Variants in DCC observed in about 807,000 individuals in gnomAD.
The protein encoded by DCC is DCC netrin 1 receptor, also known as netrin receptor DCC.
DCC carries 58 observed loss-of-function variants against 172.5 expected under a neutral mutation model. That is an observed-to-expected ratio of 0.34 (90% CI 0.27 to 0.42). The LOEUF is 0.42. Ranked by LOEUF, DCC falls within the 10% of genes least tolerant of loss-of-function variation. The pLI, the probability that DCC is intolerant of heterozygous loss-of-function variation, is 1.00. For missense variants in DCC, 1,740 were observed against 1,791.0 expected (o/e 0.97, Z 0.51); for synonymous variants, 709 against 644.5 (o/e 1.10, Z -1.52).
chr18:53,067,245 G>C (rs1211494084), intron 7 of DCC, among the ~76,000 whole-genome samples: 3 of 152,112 alleles, frequency 2.0e-5, no homozygotes, highest in African/African-American at 7.2e-5. Context: ...ATAAGTCCGG[G>C]CACAGTGGCT....
chr18:53,093,846 C>G (rs2043047569), intron 7 of DCC, among the ~76,000 whole-genome samples: 1 of 152,134 alleles, frequency 6.6e-6, no homozygotes, highest in African/African-American at 2.4e-5. Context: ...GCGATAAACG[C>G]CTGACCTTGC....
intron 18 of DCC, among the ~76,000 whole-genome samples, chr18:53,398,751 T>C (rs1411289590): frequency 2.0e-5 from 3 of 152,132 alleles, no homozygotes; most frequent in African/African-American, 7.2e-5. Flanking sequence ...CCGCCTAGCC[T>C]TGTAGGGACA....
Position 53,459,357 on chromosome 18 carries a change from C to G in DCC, c.3518C>G (p.Pro1173Arg). The part of the protein sequence containing the change: ...KNIEKPSGTD[P>R]AGRDSPIQSC... ...ATTGAAAAGCCATCTGGCACTGACC[C>G]TGCAGGAAGGGACTCTCCCATCCAA... The change falls in exon 24 of 29, where the codon CCT becomes CGT. Residue 1173 changes from proline to arginine, a missense_variant. Around this residue, in one of 2 missense-constraint regions of DCC, gnomAD observed 1,732 missense variants for 1,767.4 expected, o/e 0.98. Transcript: ENST00000442544. 1 of 1,613,968 alleles carries G rather than the reference C, an allele frequency of 6.2e-7. No individual in the cohort carries two copies. The highest frequency in any genetic ancestry group is 8.5e-7 in the Non-Finnish European group (1 of 1,179,908).
chr18:52,709,911 A>G (rs918812287), intron 1 of DCC, among the ~76,000 whole-genome samples: 4 of 152,222 alleles, frequency 2.6e-5, no homozygotes, highest in African/African-American at 9.6e-5. Flanking sequence ...AGATTTTTTT[A>G]AACTGTTGGG....
chr18:53,261,030 C>T (rs1039203008), intron 12 of DCC, among the ~76,000 whole-genome samples: 1 of 152,124 alleles, frequency 6.6e-6, no homozygotes, highest in African/African-American at 2.4e-5. Context: ...TCCTGGTGTG[C>T]CATTTGCTAA....
intron 27 of DCC, among the ~76,000 whole-genome samples, chr18:53,506,591 C>T (rs889995702): frequency 3.3e-5 from 5 of 152,104 alleles, no homozygotes; most frequent in Admixed American, 2.0e-4. Flanking sequence ...GGTGTGGTGG[C>T]TCACACCCGT....
At chr18:52,934,607 A>G (rs1293290982) in intron 5 of DCC, among the ~76,000 whole-genome samples, 1 of 152,142 alleles carries the variant, frequency 6.6e-6, no homozygotes. Flanking sequence ...TTTTTCATTG[A>G]CCACTGCAAT....
chr18:52,471,582 G>A (rs1237728116), intron 1 of DCC, among the ~76,000 whole-genome samples: 1 of 152,064 alleles, frequency 6.6e-6, no homozygotes, highest in Non-Finnish European at 1.5e-5. Flanking sequence ...CCTAACTCTG[G>A]GTTATGGTGA....
intron 5 of DCC, among the ~76,000 whole-genome samples, chr18:52,982,484 A>T (rs1394098647): frequency 5.3e-5 from 8 of 151,956 alleles, no homozygotes; most frequent in Non-Finnish European, 1.0e-4. Flanking sequence ...CCTGCTCCTT[A>T]TGTCTCCTGC....
intron 13 of DCC, among the ~76,000 whole-genome samples, chr18:53,308,924 A>G (rs1415521349): frequency 1.3e-5 from 2 of 152,114 alleles, no homozygotes; most frequent in Non-Finnish European, 2.9e-5. Context: ...AGTCTCTCCT[A>G]ACTGCTGGGG....
chr18:52,542,038 A>G (rs2032476750), intron 1 of DCC, among the ~76,000 whole-genome samples: 1 of 148,300 alleles, frequency 6.7e-6, no homozygotes, highest in South Asian at 2.1e-4. Flanking sequence ...AAATATATAT[A>G]TTTATAATAC....
At chr18:52,669,729 A>T (rs2144966130) in intron 1 of DCC, among the ~76,000 whole-genome samples, 1 of 152,360 alleles carries the variant, frequency 6.6e-6, no homozygotes, top group South Asian at 2.1e-4. Flanking sequence ...GATGCTGTAC[A>T]TTCAGCAGAA....
chr18:52,766,509 T>C (rs561349560), intron 2 of DCC, among the ~76,000 whole-genome samples: 2 of 152,014 alleles, frequency 1.3e-5, no homozygotes, highest in East Asian at 3.9e-4. Flanking sequence ...GGGGATTTTA[T>C]TGCCGATGAA....
chr18:52,864,670 C>T (rs1354260550), intron 2 of DCC, among the ~76,000 whole-genome samples: 2 of 152,048 alleles, frequency 1.3e-5, no homozygotes, highest in African/African-American at 2.4e-5. Context: ...TCTCCTAATG[C>T]TATCCTTCCC....
At chr18:53,256,619 G>A (rs1216900609) in intron 12 of DCC, among the ~76,000 whole-genome samples, 11 of 152,088 alleles carry the variant, frequency 7.2e-5, no homozygotes, top group Non-Finnish European at 1.6e-4. Flanking sequence ...CTGTAGCCTT[G>A]TAGTATAGTT....
intron 1 of DCC, among the ~76,000 whole-genome samples, chr18:52,467,833 G>A (rs775502793): frequency 5.3e-5 from 8 of 152,076 alleles, no homozygotes; most frequent in South Asian, 4.1e-4. Context: ...TTTGTTGGCC[G>A]CATAAATGTC....
chr18:52,945,056 T>C (rs146584556), intron 5 of DCC, among the ~76,000 whole-genome samples: 1,810 of 152,218 alleles, frequency 0.012, 27 homozygotes, highest in African/African-American at 0.04. Context: ...GGGATAAATA[T>C]CATGTTACCA....
intron 1 of DCC, among the ~76,000 whole-genome samples, chr18:52,417,250 T>C (rs1256966136): frequency 3.3e-5 from 5 of 152,216 alleles, no homozygotes; most frequent in Middle Eastern, 3.2e-3. Context: ...CCGCTGTTAG[T>C]CTGATGGGCT....
intron 5 of DCC, chr18:52,934,780 T>A (rs919343339): frequency 2.0e-5 from 3 of 151,952 alleles, no homozygotes; most frequent in Non-Finnish European, 4.4e-5. Context: ...AGAAGAAGAG[T>A]TACTGGAGCA....
Sources: allele counts gnomAD v4.1 joint callset (sites outside exome capture counted in the v4.1 genomes callset), GRCh38; gene constraint gnomAD v4.1.1; regional missense constraint gnomAD v4.1.1; transcripts MANE v1.5; gene names NCBI Gene and HGNC (gene_info 2026-07-23, HGNC 2026-07-21).